Variants in KIF20B observed in about 807,000 individuals in gnomAD.
KIF20B encodes the protein kinesin family member 20B.
A neutral mutation model predicts 232.5 loss-of-function variants in KIF20B; 188 were observed. The ratio of observed to expected loss-of-function variants is 0.81; its 90% CI spans 0.72 to 0.91. The LOEUF (loss-of-function observed/expected upper bound fraction) is 0.91, where lower values mean the gene tolerates loss of function less well. KIF20B is among the 40% of genes least tolerant of loss of function. The probability of loss-of-function intolerance (pLI) is 0.00; values close to 1 mark genes in which losing one functional copy is unlikely to be tolerated. For synonymous variants in KIF20B, 712 were observed against 683.0 expected, an observed-to-expected ratio of 1.04 and a Z score of -0.66; for missense variants, 2,154 against 2,055.9, an observed-to-expected ratio of 1.05 and a Z score of -0.92.
At chr10:89,704,712 C>T (rs1159604092) in intron 1 of KIF20B, among the ~76,000 whole-genome samples, 1 of 152,050 alleles carries the variant, frequency 6.6e-6, no homozygotes, top group South Asian at 2.1e-4. Flanking sequence ...CCTGGCACCA[C>T]GCCTGGCTAA....
At chr10:89,740,017 A>G (rs935373757) in intron 21 of KIF20B, among the ~76,000 whole-genome samples, 8 of 151,830 alleles carry the variant, frequency 5.3e-5, no homozygotes, top group East Asian at 3.9e-4. Flanking sequence ...CCATAATGCA[A>G]ATATCTTCTA....
chr10:89,735,369 G>C (rs7897938), intron 19 of KIF20B, among the ~76,000 whole-genome samples: 1 of 151,954 alleles, frequency 6.6e-6, no homozygotes, highest in Non-Finnish European at 1.5e-5. Context: ...GATATAGGGA[G>C]TCTGCCATCA....
chr10:89,745,883 T>G lies in KIF20B; in HGVS notation c.4036-16T>G, dbSNP rs753878853. On this transcript the variant is annotated splice_polypyrimidine_tract_variant and intron_variant, in intron 22 of 32. Coordinates refer to ENST00000371728, the MANE Select transcript of KIF20B (RefSeq NM_001284259.2). ...TAAGTTAATTTGCAATTAATTTATA[T>G]TCTTTCAATTTGTAGGAGCAGTTAA... 2.0e-6 allele frequency: 3 copies of G among 1,526,478 alleles called. 1 individual carries two copies. In the South Asian group the frequency reaches 3.4e-5, roughly 17 times the overall value. 94.6% of individuals were successfully genotyped at this position (1,526,478 alleles called of 1,614,324 possible).
chr10:89,772,262 G>A (rs1842477706), intron 31 of KIF20B, among the ~76,000 whole-genome samples: 1 of 151,942 alleles, frequency 6.6e-6, no homozygotes, highest in Non-Finnish European at 1.5e-5. Context: ...GGTTTACAAA[G>A]TATTTTCATG....
At chr10:89,771,315 ATGTC>A (rs1255274695) in intron 31 of KIF20B, among the ~76,000 whole-genome samples, 2 of 152,144 alleles carry the variant, frequency 1.3e-5, no homozygotes, top group African/African-American at 2.4e-5. Context: ...CACGGACAAA[ATGTC>A]TGTCTAGTTC....
At chr10:89,704,183 A>G (rs1024931310) in intron 1 of KIF20B, among the ~76,000 whole-genome samples, 1 of 152,156 alleles carries the variant, frequency 6.6e-6, no homozygotes, top group East Asian at 1.9e-4. Flanking sequence ...GGTTCATTTT[A>G]TATAATACCT....
At position 89,724,010 on chromosome 10, in the gene KIF20B, A is replaced by G. The variant is rs771482152; in HGVS notation, c.1769A>G (p.Glu590Gly). ...IEDLKKKLIN[E>G]KKEKLTLEFK... is the part of the protein sequence containing the mutation. ...GACTTGAAAAAAAAACTGATAAATG[A>G]AAAAAAGGAAAAATTAACCTTGGAA... Residue 590 changes from glutamate to glycine, a missense_variant, in exon 14 of 33, where the codon GAA (glutamate) becomes GGA (glycine). Glu to Gly is a moderately conservative substitution (Grantham distance 98, BLOSUM62 -2). Coordinates refer to ENST00000371728, the MANE Select transcript of KIF20B (RefSeq NM_001284259.2). The G allele has an allele frequency of 2.1e-5, 34 of 1,586,724 alleles. No individual in the cohort carries two copies. The highest frequency in any genetic ancestry group is 2.7e-5 in the African/African-American group (2 of 73,050).
At chr10:89,726,919 C>A (rs1181485293) in intron 16 of KIF20B, among the ~76,000 whole-genome samples, 2 of 152,084 alleles carry the variant, frequency 1.3e-5, no homozygotes, top group African/African-American at 4.8e-5. Context: ...ACTCCTCTTG[C>A]CTCAGCTTCC....
chr10:89,712,442 A>G (rs1274045834), intron 6 of KIF20B, among the ~76,000 whole-genome samples: 1 of 151,992 alleles, frequency 6.6e-6, no homozygotes, highest in African/African-American at 2.4e-5. Context: ...TTTTGTAGAA[A>G]TGGGGTCTTG....
chr10:89,768,594 C>G, intron 30 of KIF20B, 144 bp from the exon 31 acceptor site: 2 of 828,646 alleles, frequency 2.4e-6, no homozygotes. Context: ...ATTGTCTGAC[C>G]CTTTTATCCC....
rs147780471 is a variant in KIF20B, at chr10:89,737,805, A to C, written c.2964A>C (p.Lys988Asn). 3.1e-5 allele frequency: 50 copies of C among 1,613,308 alleles called. No homozygotes were observed. The African/African-American group carries it at 5.1e-4, about 16-fold the overall frequency. ...NVSQIKLMHT[K>N]IDELRTLDSV... Reference sequence around the variant, plus strand: ...CACAAATAAAATTAATGCACACGAAAATAGACGAACTACGTACTCTTGATT... The same window carrying C: ...CACAAATAAAATTAATGCACACGAACATAGACGAACTACGTACTCTTGATT... Residue 988 changes from lysine to asparagine, a missense_variant, in exon 20 of 33, where the codon AAA (lysine) becomes AAC (asparagine). By Grantham distance (94) the Lys-to-Asn change is moderately conservative. Coordinates refer to ENST00000371728, the MANE Select transcript of KIF20B (RefSeq NM_001284259.2).
At chr10:89,763,580 T>C (rs568093703) in intron 29 of KIF20B, among the ~76,000 whole-genome samples, 1 of 152,238 alleles carries the variant, frequency 6.6e-6, no homozygotes, top group African/African-American at 2.4e-5. Context: ...AGAGAAATTC[T>C]TTTTTCATCA....
At chr10:89,751,507 T>A (rs1179148926) in intron 24 of KIF20B, 36 bp downstream of exon 24, 2 of 1,562,402 alleles carry the variant, frequency 1.3e-6, no homozygotes, top group Non-Finnish European at 1.7e-6. Flanking sequence ...CTAAATATAC[T>A]TTTTCATTTA....
At chr10:89,730,196 A>G (rs1408853823) in intron 18 of KIF20B, among the ~76,000 whole-genome samples, 5 of 152,184 alleles carry the variant, frequency 3.3e-5, no homozygotes, top group Admixed American at 3.3e-4. Context: ...TATTAGATAC[A>G]TGATTCATTC....
At chr10:89,702,767 T>G (rs1842638969) in intron 1 of KIF20B, among the ~76,000 whole-genome samples, 1 of 152,090 alleles carries the variant, frequency 6.6e-6, no homozygotes. Context: ...TTTTTTTTTT[T>G]TTTTGGAATA....
At chr10:89,708,108 C>G (rs10881628) in intron 2 of KIF20B, among the ~76,000 whole-genome samples, 47,040 of 151,874 alleles carry the variant, frequency 0.31, 8,201 homozygotes, top group African/African-American at 0.46. Context: ...TAATTTTTTC[C>G]TGAGGATATC....
At position 89,760,579 on chromosome 10, in the gene KIF20B, C is replaced by G. The variant is rs1190772602; in HGVS notation, c.4734C>G (p.Asp1578Glu). The G allele has an allele frequency of 6.2e-7, 1 of 1,613,116 alleles. No individual in the cohort carries two copies. The highest frequency in any genetic ancestry group is 1.7e-5 in the Admixed American group (1 of 59,922). The change falls in exon 28 of 33, where the codon GAC becomes GAG. Residue 1578 changes from aspartate (D) to glutamate (E), a missense_variant. By Grantham distance (45) the Asp-to-Glu change is conservative. Transcript: ENST00000371728. ...AACGTATTAGTTCAGCAGATCCTGA[C>G]AAACTTCAAACTGAACCTCTATCGA... ...KPKRISSADP[D>E]KLQTEPLSTS...
At chr10:89,773,271 A>C (rs114082034) in intron 32 of KIF20B, among the ~76,000 whole-genome samples, 1 of 152,046 alleles carries the variant, frequency 6.6e-6, no homozygotes, top group South Asian at 2.1e-4. Context: ...CCCTGAGTCT[A>C]TGATTCATTC....
At chr10:89,716,812 G>T (rs574563634) in intron 9 of KIF20B, among the ~76,000 whole-genome samples, 78 of 152,182 alleles carry the variant, frequency 5.1e-4, no homozygotes, top group Non-Finnish European at 9.1e-4. Flanking sequence ...CAGTATTTTT[G>T]GAGTTGGTAA....
Sources: gnomAD v4.1 joint callset for allele counts (sites outside exome capture counted in the v4.1 genomes callset) on GRCh38, gnomAD v4.1.1 for gene constraint, MANE v1.5 for transcripts, NCBI Gene and HGNC (gene_info 2026-07-23, HGNC 2026-07-21) for gene names.